Variants in CHD6 observed in about 807,000 individuals in gnomAD.
The protein encoded by CHD6 is ATP-dependent chromatin remodeler CHD6.
Under a neutral mutation model 276.9 loss-of-function variants are expected in CHD6, and 50 were observed. The observed-to-expected ratio is 0.18, with a 90% CI of 0.14 to 0.23. The LOEUF (loss-of-function observed/expected upper bound fraction) is 0.23. Among genes scored for constraint, CHD6 ranks in the 10% least tolerant of loss-of-function variants. The pLI is 1.00. For missense variants in CHD6, 2,564 were observed against 3,365.8 expected (o/e 0.76, Z 5.89); for synonymous variants, 1,173 against 1,229.3 (o/e 0.95, Z 0.96).
rs12625199 is a variant in CHD6 at position 41,589,208 on chromosome 20, G to C, written c.-24+29132C>G. ...ACTCTCAACAAATTAGGTATTGATGGGACATATCTCAAAATACTAAGAGCT... is the reference window on the plus strand; with the variant it reads ...ACTCTCAACAAATTAGGTATTGATGCGACATATCTCAAAATACTAAGAGCT... On this transcript the variant is annotated intron_variant, in intron 1 of 36. Coordinates refer to ENST00000373233, the MANE Select transcript of CHD6 (RefSeq NM_032221.5). 2.0e-3 allele frequency among the ~76,000 whole-genome samples: 305 copies of C among 152,236 alleles called. 3 individuals are homozygous for C. The East Asian group carries it at 0.043, about 22-fold the overall frequency.
chr20:41,514,633 CGG>C (rs2044207035), intron 4 of CHD6, among the ~76,000 whole-genome samples, 170 bp downstream of exon 4: 1 of 152,140 alleles, frequency 6.6e-6, no homozygotes, highest in Non-Finnish European at 1.5e-5. Context: ...GTATACTGAT[CGG>C]GCTAGGGCAA....
At chr20:41,578,374 A>C (rs1336380465) in intron 1 of CHD6, among the ~76,000 whole-genome samples, 1 of 152,252 alleles carries the variant, frequency 6.6e-6, no homozygotes, top group Non-Finnish European at 1.5e-5. Flanking sequence ...GTGTATAGCG[A>C]ATAAATGAAT....
At chr20:41,450,882 T>C (rs1292327646) in intron 23 of CHD6, 64 bp downstream of exon 23, 8 of 1,461,280 alleles carry the variant, frequency 5.5e-6, no homozygotes, top group Non-Finnish European at 4.7e-6. Flanking sequence ...CCCTGTGGGG[T>C]TCCCAGGAAT....
chr20:41,406,824 A>C (rs2046691315), intron 36 of CHD6, among the ~76,000 whole-genome samples: 1 of 152,220 alleles, frequency 6.6e-6, no homozygotes, highest in Admixed American at 6.5e-5. Flanking sequence ...GTATTAAAAA[A>C]GGTGAACTGT....
In CHD6 at chr20:41,490,039, T is replaced by C; in HGVS notation, c.1437-18A>G. 1 of 1,609,040 alleles carries C rather than the reference T, an allele frequency of 6.2e-7. No individual in the cohort carries two copies. Among genetic ancestry groups the C allele is most frequent in the Non-Finnish European group, 8.5e-7 (1 of 1,175,842 alleles). ...AGTTTTTTCTGCAGAGAGTGAGAAA[T>C]ATAGGTAATTCATTATCAATATAGG... On this transcript the variant is annotated intron_variant, in intron 11 of 36. Transcript: ENST00000373233.
At chr20:41,448,010 C>T in intron 23 of CHD6, 39 bp from the exon 24 acceptor site, 5 of 1,234,846 alleles carry the variant, frequency 4.0e-6, no homozygotes, top group African/African-American at 1.5e-5. Context: ...CAAATTAGAA[C>T]CCATAACTGT....
At chr20:41,605,933 A>C (rs2146295764) in intron 1 of CHD6, among the ~76,000 whole-genome samples, 1 of 152,304 alleles carries the variant, frequency 6.6e-6, no homozygotes, top group Admixed American at 6.5e-5. Flanking sequence ...CTATGTACAA[A>C]CCTCTATGAG....
intron 17 of CHD6, among the ~76,000 whole-genome samples, chr20:41,468,779 C>G (rs959632586): frequency 1.8e-4 from 28 of 152,080 alleles, no homozygotes; most frequent in African/African-American, 6.5e-4. Flanking sequence ...CTTCGGGAGG[C>G]TGAGGTGGGT....
rs1307367989 is a variant in CHD6 at position 41,551,352 on chromosome 20, T to C, written c.-15A>G. 2.9e-6 allele frequency: 4 copies of C among 1,368,850 alleles called. No individual in the cohort carries two copies. Among genetic ancestry groups the C allele is most frequent in the Non-Finnish European group, 4.1e-6 (4 of 969,524 alleles). The allele number at this position is 1,368,850 out of a possible 1,614,324, so 84.8% of individuals were successfully genotyped here. A position where few individuals can be genotyped will look rare whatever the true frequency, so the allele number is the denominator to read the frequency against. Reference sequence around the variant, plus strand: ...TTCATTTTCATCTATTGAAGGAAGATATTTATTTCTGTAAAACATTTTTAA... The same window carrying C: ...TTCATTTTCATCTATTGAAGGAAGACATTTATTTCTGTAAAACATTTTTAA... On this transcript the variant is annotated 5_prime_UTR_variant, in exon 2 of 37. It adds an upstream start codon to the 5' untranslated region. Coordinates refer to ENST00000373233, the MANE Select transcript of CHD6 (RefSeq NM_032221.5).
At chr20:41,521,241 T>C (rs75904740) in intron 3 of CHD6, among the ~76,000 whole-genome samples, 1,538 of 152,316 alleles carry the variant, frequency 0.01, 8 homozygotes, top group Middle Eastern at 0.017. Context: ...CTTCCATTAA[T>C]TGATTAACAC....
At chr20:41,510,796 C>T (rs188739710) in intron 5 of CHD6, among the ~76,000 whole-genome samples, 3 of 152,296 alleles carry the variant, frequency 2.0e-5, no homozygotes, top group South Asian at 2.1e-4. Context: ...CCAAACCAAC[C>T]ATAACATCCC....
At chr20:41,617,626 T>G (rs2045946114) in intron 1 of CHD6, among the ~76,000 whole-genome samples, 1 of 152,200 alleles carries the variant, frequency 6.6e-6, no homozygotes. Context: ...GATAGATCTT[T>G]TTTTAAAGCT....
At chr20:41,464,568 C>A (rs1330599602) in intron 17 of CHD6, among the ~76,000 whole-genome samples, 1 of 152,148 alleles carries the variant, frequency 6.6e-6, no homozygotes, top group Non-Finnish European at 1.5e-5. Flanking sequence ...CTATAATGAA[C>A]CCTGTGATGC....
At chr20:41,433,986 G>A (rs1033873555) in intron 27 of CHD6, among the ~76,000 whole-genome samples, 2 of 152,164 alleles carry the variant, frequency 1.3e-5, no homozygotes, top group Non-Finnish European at 2.9e-5. Context: ...AAATACTCAT[G>A]TAAACCAGAG....
intron 35 of CHD6, 122 bp downstream of exon 35, chr20:41,413,202 C>T: frequency 1.5e-6 from 1 of 680,418 alleles, no homozygotes. Flanking sequence ...ATGTTGTCAG[C>T]TGACAGATTT....
At chr20:41,458,642 G>A (rs1379744268) in intron 17 of CHD6, among the ~76,000 whole-genome samples, 1 of 152,136 alleles carries the variant, frequency 6.6e-6, no homozygotes, top group Admixed American at 6.5e-5. Context: ...GTACATTTAT[G>A]TTTGTATGTT....
At chr20:41,447,652 C>A (rs1192383208) in intron 24 of CHD6, among the ~76,000 whole-genome samples, 1 of 152,172 alleles carries the variant, frequency 6.6e-6, no homozygotes, top group Non-Finnish European at 1.5e-5. Context: ...TGAACTAACT[C>A]ACCAAAAGCT....
At chr20:41,564,066 G>A (rs186241582) in intron 1 of CHD6, 1 of 779,444 alleles carries the variant, frequency 1.3e-6, no homozygotes, top group South Asian at 1.3e-5. Context: ...TGTGGGATTT[G>A]GGCAACTTAT....
Position 41,514,815 on chromosome 20 carries a change from G to C in CHD6, c.692C>G (p.Thr231Arg). The C allele has an allele frequency of 1.2e-6, 2 of 1,613,950 alleles. No individual in the cohort carries two copies. The highest frequency in any genetic ancestry group is 1.7e-6 in the Non-Finnish European group (2 of 1,179,904). ...LRSPEESTES[T>R]DSQKRRSGRQ... is the part of the protein sequence containing the mutation. Reference sequence around the variant, plus strand: ...CGGTCACAGCTGTACCTGGCTGTCTGTAGACTCAGTGGACTCCTCAGGACT... The same window carrying C: ...CGGTCACAGCTGTACCTGGCTGTCTCTAGACTCAGTGGACTCCTCAGGACT... Residue 231 changes from threonine (T) to arginine (R), a missense_variant, in exon 4 of 37, where the codon ACA becomes AGA. Thr to Arg is a moderately conservative substitution (Grantham distance 71). This residue lies in a region of CHD6 where 286 missense variants were observed against 297.8 expected (regional missense o/e 0.96). Transcript: ENST00000373233.
Sources: gnomAD v4.1 joint callset for allele counts (sites outside exome capture counted in the v4.1 genomes callset) on GRCh38, gnomAD v4.1.1 for gene constraint, gnomAD v4.1.1 regional missense constraint, MANE v1.5 for transcripts, NCBI Gene and HGNC (gene_info 2026-07-23, HGNC 2026-07-21) for gene names.